CTBP2: variants seen among roughly 807,000 people sequenced by gnomAD.
The protein encoded by CTBP2 is C-terminal-binding protein 2.
Under a neutral mutation model 80.3 loss-of-function variants are expected in CTBP2, and 30 were observed. The ratio of observed to expected loss-of-function variants is 0.37; its 90% CI spans 0.28 to 0.51. The LOEUF is 0.51. CTBP2 is among the 20% of genes least tolerant of loss of function. The pLI, the probability that CTBP2 is intolerant of heterozygous loss-of-function variation, is 0.93. For synonymous variants in CTBP2, 594 were observed against 587.4 expected, an observed-to-expected ratio of 1.01 and a Z score of -0.16; for missense variants, 1,212 against 1,375.3, an observed-to-expected ratio of 0.88 and a Z score of 1.88.
chr10:125,117,812 C>T (rs932978986), intron 1 of CTBP2, among the ~76,000 whole-genome samples: 2 of 152,146 alleles, frequency 1.3e-5, no homozygotes, highest in East Asian at 1.9e-4. Context: ...ACAACAACCC[C>T]GAAAGCTAAT....
At chr10:125,059,840 C>T (rs960722888) in intron 2 of CTBP2, among the ~76,000 whole-genome samples, 2 of 152,114 alleles carry the variant, frequency 1.3e-5, no homozygotes, top group African/African-American at 4.8e-5. Context: ...TCTGGATTCA[C>T]TGGGAGTCAG....
At chr10:125,024,147 G>A (rs866568852) in intron 1 of CTBP2, among the ~76,000 whole-genome samples, 4 of 152,174 alleles carry the variant, frequency 2.6e-5, no homozygotes, top group Non-Finnish European at 4.4e-5. Flanking sequence ...ATGTGACTGC[G>A]GATTCTGTGG....
chr10:125,074,455 A>G (rs1227471994), intron 2 of CTBP2, among the ~76,000 whole-genome samples: 2 of 152,180 alleles, frequency 1.3e-5, no homozygotes, highest in Non-Finnish European at 2.9e-5. Context: ...CGCGGGTTCA[A>G]GCGATTCTCC....
At position 124,993,142 on chromosome 10, in the gene CTBP2, G is replaced by T; in HGVS notation, c.2659+60C>A. ...GCTGCCTGTAGCCAGCAGGACAGGAGCCGGCTGCACTGTGGAGCTGAGGCT... is the reference window on the plus strand; with the variant it reads ...GCTGCCTGTAGCCAGCAGGACAGGATCCGGCTGCACTGTGGAGCTGAGGCT... On this transcript the variant is annotated intron_variant, in intron 7 of 8. Transcript: ENST00000309035. The T allele has an allele frequency of 6.5e-6, 10 of 1,546,500 alleles. 1 individual carries two copies. The South Asian group carries it at 1.2e-4, about 18-fold the overall frequency.
At chr10:125,153,772 G>C (rs903959708) in intron 1 of CTBP2, among the ~76,000 whole-genome samples, 1 of 152,210 alleles carries the variant, frequency 6.6e-6, no homozygotes, top group Admixed American at 6.5e-5. Flanking sequence ...CTCCCTCCAC[G>C]GTCTAGGTCT....
chr10:125,099,482 C>G (rs567782915), intron 2 of CTBP2, among the ~76,000 whole-genome samples: 1 of 152,172 alleles, frequency 6.6e-6, no homozygotes, highest in South Asian at 2.1e-4. Flanking sequence ...CAGCCCTCCC[C>G]CCAAGTTCAC....
At chr10:125,039,466 T>C (rs1297585897) in intron 2 of CTBP2, among the ~76,000 whole-genome samples, 1 of 152,232 alleles carries the variant, frequency 6.6e-6, no homozygotes, top group East Asian at 1.9e-4. Context: ...ACTGACCAAT[T>C]TGAAGTGTAA....
intron 2 of CTBP2, among the ~76,000 whole-genome samples, chr10:125,045,328 C>T (rs1960955416): frequency 6.6e-6 from 1 of 152,084 alleles, no homozygotes. Flanking sequence ...TACAGCAGCC[C>T]GAACTAAGAC....
chr10:125,112,983 C>T (rs1310504082), intron 1 of CTBP2, among the ~76,000 whole-genome samples: 1 of 152,196 alleles, frequency 6.6e-6, no homozygotes, highest in Non-Finnish European at 1.5e-5. Flanking sequence ...AGCTCCTGCT[C>T]CACACCTAGA....
chr10:125,073,346 C>T (rs921005792), intron 2 of CTBP2, among the ~76,000 whole-genome samples: 3 of 152,188 alleles, frequency 2.0e-5, no homozygotes. Flanking sequence ...CAGGTTCAAG[C>T]GATTCTCCTG....
chr10:124,993,348 AAC>A lies in CTBP2; in HGVS notation c.2532-21_2532-20del. ...AGCAAAGCTAGAAAAATGTAGAAAA[AAC>A]AGAGTAAGCGGGAAATGTCGCATAC... On this transcript the variant is annotated intron_variant, in intron 6 of 8. Transcript: ENST00000309035. 6.2e-7 allele frequency: 1 copy of A among 1,603,416 alleles called. No individual in the cohort carries two copies. The highest frequency in any genetic ancestry group is 8.5e-7 in the Non-Finnish European group (1 of 1,171,348).
chr10:125,023,049 G>GA (rs1957210333), intron 1 of CTBP2, among the ~76,000 whole-genome samples: 1 of 152,220 alleles, frequency 6.6e-6, no homozygotes, highest in South Asian at 2.1e-4. Flanking sequence ...GAAGCCATGA[G>GA]AGTGACCAGC....
chr10:124,994,157 G>C (rs1360212510), intron 5 of CTBP2, among the ~76,000 whole-genome samples, 172 bp from the exon 8 acceptor site: 1 of 152,260 alleles, frequency 6.6e-6, no homozygotes, highest in East Asian at 1.9e-4. Context: ...GGAAGCCAGG[G>C]CCGTTGCTGC....
At chr10:125,039,053 A>G (rs1403498190) in exon 3 of CTBP2, 1 of 1,612,334 alleles carries the variant, frequency 6.2e-7, no homozygotes, top group Non-Finnish European at 8.5e-7. Flanking sequence ...CACAAGGGCC[A>G]TTCTTTATGG....
intron 2 of CTBP2, among the ~76,000 whole-genome samples, chr10:125,052,853 C>T (rs1275004234): frequency 1.3e-5 from 2 of 152,202 alleles, no homozygotes; most frequent in African/African-American, 4.8e-5. Context: ...CTTGGATCAA[C>T]TCCATTCATA....
chr10:125,028,754 C>T (rs978786300), upstream of CTBP2, among the ~76,000 whole-genome samples: 3 of 152,182 alleles, frequency 2.0e-5, no homozygotes, highest in Admixed American at 1.3e-4. Flanking sequence ...AACTGGGAAG[C>T]GGCTGCATCT....
At chr10:124,999,352 C>G (rs1028920879) in intron 3 of CTBP2, 13 of 149,914 alleles carry the variant, frequency 8.7e-5, no homozygotes, top group African/African-American at 2.9e-4. Context: ...CAGGATTCCT[C>G]TATCTTAAGT....
At chr10:125,143,335 A>G (rs891728269) in intron 1 of CTBP2, among the ~76,000 whole-genome samples, 1 of 152,146 alleles carries the variant, frequency 6.6e-6, no homozygotes, top group African/African-American at 2.4e-5. Context: ...TAAAAAATAC[A>G]AAAATTAGCT....
chr10:124,991,077 C>T (rs938185421), intron 8 of CTBP2, among the ~76,000 whole-genome samples: 4 of 152,380 alleles, frequency 2.6e-5, no homozygotes, highest in South Asian at 2.1e-4. Context: ...CCGCCTTCCT[C>T]GGAACGCCCA....
Sources: allele counts gnomAD v4.1 joint callset (sites outside exome capture counted in the v4.1 genomes callset), GRCh38; gene constraint gnomAD v4.1.1; transcripts MANE v1.5; gene names NCBI Gene and HGNC (gene_info 2026-07-23, HGNC 2026-07-21).